Variants in CLIP4 observed in about 807,000 individuals in gnomAD.
The protein encoded by CLIP4 is CAP-Gly domain-containing linker protein 4.
In CLIP4, 47 loss-of-function variants were observed where a neutral mutation model predicts 73.1. The ratio of observed to expected loss-of-function variants is 0.64; its 90% CI spans 0.51 to 0.82. The LOEUF is 0.82. Among genes scored for constraint, CLIP4 ranks in the 40% least tolerant of loss-of-function variants. The probability of loss-of-function intolerance (pLI) is 0.00; values close to 1 mark genes in which losing one functional copy is unlikely to be tolerated. For synonymous variants in CLIP4, 306 were observed against 295.4 expected (o/e 1.04, Z -0.37); for missense variants, 874 against 852.9 (o/e 1.02, Z -0.31).
chr2:29,142,308 G>GT (rs559671885), intron 6 of CLIP4, among the ~76,000 whole-genome samples: 247 of 145,366 alleles, frequency 1.7e-3, no homozygotes, highest in Middle Eastern at 7.0e-3. Context: ...TATTATTTAG[G>GT]TTTTTTTTTT....
intron 12 of CLIP4, among the ~76,000 whole-genome samples, chr2:29,161,005 G>A (rs555479746): frequency 2.0e-5 from 3 of 151,518 alleles, no homozygotes; most frequent in South Asian, 2.1e-4. Context: ...ACGGAGCTTC[G>A]CTCTTGTTGC....
chr2:29,159,063 T>G (rs1667121957), intron 11 of CLIP4, among the ~76,000 whole-genome samples: 1 of 152,220 alleles, frequency 6.6e-6, no homozygotes, highest in Admixed American at 6.5e-5. Context: ...CTGTTAACAG[T>G]GTGTCTTAGT....
chr2:29,156,062 A>G (rs1666901960), intron 9 of CLIP4, among the ~76,000 whole-genome samples: 1 of 152,172 alleles, frequency 6.6e-6, no homozygotes, highest in Non-Finnish European at 1.5e-5. Context: ...GTTCTTCCTG[A>G]CCATACGGCT....
chr2:29,157,127 A>C, intron 10 of CLIP4, 77 bp from the exon 11 acceptor site: 5 of 1,273,294 alleles, frequency 3.9e-6, no homozygotes, highest in Non-Finnish European at 5.7e-6. Flanking sequence ...AGAATTTCAG[A>C]AAGATTTGCC....
chr2:29,121,620 G>A, intron 2 of CLIP4, 99 bp downstream of exon 2: 1 of 1,359,756 alleles, frequency 7.4e-7, no homozygotes, highest in South Asian at 1.4e-5. Flanking sequence ...CCATTTTTAT[G>A]GTTTTCATAA....
intron 8 of CLIP4, among the ~76,000 whole-genome samples, chr2:29,145,941 C>CT (rs1455517414): frequency 6.6e-6 from 1 of 152,214 alleles, no homozygotes; most frequent in African/African-American, 2.4e-5. Flanking sequence ...CTTGGCCTCC[C>CT]AAAGTGCAGG....
chr2:29,115,781 C>T lies in CLIP4; in HGVS notation c.-16+116C>T, dbSNP rs1663756926. 1 of 151,070 alleles carries T rather than the reference C, an allele frequency of 6.6e-6. No homozygotes were observed. Among genetic ancestry groups the T allele is most frequent in the Non-Finnish European group, 1.5e-5 (1 of 67,708 alleles). The allele number at this position is 151,070 out of a possible 1,614,324, so 9.4% of individuals were successfully genotyped here. A position where few individuals can be genotyped will look rare whatever the true frequency, so the allele number is the denominator to read the frequency against. On this transcript the variant is annotated intron_variant, in intron 1 of 15. Coordinates refer to ENST00000320081, the MANE Select transcript of CLIP4 (RefSeq NM_024692.6). This position sits in a 1 kb window ranked among gnomAD's most constrained non-coding sequence, Gnocchi z 5.1. ...GAGGTCAGTGGCCCCGGGAGGGTCG[C>T]GCAGAGGCGCTGGGGGCTGTGGAAG...
chr2:29,117,458 C>T (rs991430752), intron 1 of CLIP4, among the ~76,000 whole-genome samples: 1 of 152,016 alleles, frequency 6.6e-6, no homozygotes, highest in Non-Finnish European at 1.5e-5. Context: ...ATTGTTCTGC[C>T]TGAGCCTCTC....
Position 29,132,464 on chromosome 2 carries a change from A to G in CLIP4, c.367+219A>G, listed in dbSNP as rs1269953980. 15 of 527,500 alleles carry G rather than the reference A, an allele frequency of 2.8e-5. 1 individual carries two copies. The South Asian group carries it at 4.2e-4, about 15-fold the overall frequency. The allele number at this position is 527,500 out of a possible 1,614,324, so 32.7% of individuals were successfully genotyped here. A position where few individuals can be genotyped will look rare whatever the true frequency, so the allele number is the denominator to read the frequency against. On this transcript the variant is annotated intron_variant, in intron 4 of 15. Coordinates refer to ENST00000320081, the MANE Select transcript of CLIP4 (RefSeq NM_024692.6). ...TGATACCTCTTAACTTTTCTGGATC[A>G]GGCCTCATGCCTGATTGCATAATAG...
intron 15 of CLIP4, among the ~76,000 whole-genome samples, chr2:29,180,160 T>C (rs943318130): frequency 2.0e-5 from 3 of 152,268 alleles, no homozygotes; most frequent in East Asian, 1.9e-4. Context: ...GGGGTTTCTT[T>C]TGGAGGAGAG....
intron 3 of CLIP4, 137 bp from the exon 4 acceptor site, chr2:29,132,015 A>T: frequency 1.7e-6 from 1 of 588,176 alleles, no homozygotes; most frequent in Non-Finnish European, 3.0e-6. Context: ...TACCCTTAAG[A>T]TATGCTCATA....
chr2:29,159,707 A>AAG (rs1667163629), intron 11 of CLIP4, among the ~76,000 whole-genome samples: 1 of 147,824 alleles, frequency 6.8e-6, no homozygotes, highest in Admixed American at 6.7e-5. Context: ...AAAAAAAAAA[A>AAG]GTCAAATCAC....
At chr2:29,109,517 C>A (rs1336359476) in intron 1 of CLIP4, among the ~76,000 whole-genome samples, 3 of 152,170 alleles carry the variant, frequency 2.0e-5, no homozygotes, top group South Asian at 4.1e-4. Context: ...TGAGAACATT[C>A]AATATCCTCC....
At chr2:29,144,689 C>T (rs1160560103) in intron 7 of CLIP4, among the ~76,000 whole-genome samples, 2 of 151,916 alleles carry the variant, frequency 1.3e-5, no homozygotes, top group East Asian at 3.9e-4. Context: ...CTCCCCTAGC[C>T]CTGTCCCTTC....
At chr2:29,164,019 C>T (rs1667451541) in intron 13 of CLIP4, 65 bp downstream of exon 13, 2 of 1,326,528 alleles carry the variant, frequency 1.5e-6, no homozygotes, top group African/African-American at 1.5e-5. Flanking sequence ...TTAATAGAGA[C>T]ACTAATTTTA....
intron 14 of CLIP4, among the ~76,000 whole-genome samples, chr2:29,169,815 G>A (rs1274660318): frequency 2.0e-5 from 3 of 151,850 alleles, no homozygotes; most frequent in Non-Finnish European, 4.4e-5. Context: ...GTTGTTACCC[G>A]TAATTTTCCC....
chr2:29,156,039 A>G (rs1321239931), intron 9 of CLIP4, among the ~76,000 whole-genome samples: 1 of 152,234 alleles, frequency 6.6e-6, no homozygotes, highest in African/African-American at 2.4e-5. Context: ...TCCATCAAGA[A>G]TGCCTGCCCT....
Position 29,152,807 on chromosome 2 carries a change from G to A in CLIP4, c.1144G>A (p.Val382Met), listed in dbSNP as rs1288992765. 1 of 1,613,500 alleles carries A rather than the reference G, an allele frequency of 6.2e-7. No individual in the cohort carries two copies. The highest frequency in any genetic ancestry group is 1.3e-5 in the African/African-American group (1 of 74,890). ...GTCCCAGAAAATTGACGTAGCTCATGTGACGTCAAAAGTAAATACTGGTAG... is the reference window on the plus strand; with the variant it reads ...GTCCCAGAAAATTGACGTAGCTCATATGACGTCAAAAGTAAATACTGGTAG... The part of the protein sequence containing the change: ...IRSQKIDVAH[V>M]TSKVNTGLMT... Residue 382 changes from valine (V) to methionine (M), a missense_variant, in exon 9 of 16, where the codon GTG becomes ATG. Val to Met is a conservative substitution (Grantham distance 21, BLOSUM62 1). Transcript: ENST00000320081.
At chr2:29,176,462 C>T (rs1015874365) in intron 15 of CLIP4, among the ~76,000 whole-genome samples, 5 of 152,208 alleles carry the variant, frequency 3.3e-5, no homozygotes, top group African/African-American at 7.2e-5. Flanking sequence ...TTGGAGGGCA[C>T]GTTTGGCCCC....
Sources: allele counts gnomAD v4.1 joint callset (sites outside exome capture counted in the v4.1 genomes callset), GRCh38; gene constraint gnomAD v4.1.1; non-coding constraint Gnocchi (gnomAD v3.1); transcripts MANE v1.5; gene names NCBI Gene and HGNC (gene_info 2026-07-23, HGNC 2026-07-21).